Variants in SEMA6D observed in about 807,000 individuals in gnomAD.
The protein encoded by SEMA6D is semaphorin-6D.
A neutral mutation model predicts 106.6 loss-of-function variants in SEMA6D; 35 were observed. The ratio of observed to expected loss-of-function variants is 0.33; its 90% confidence interval spans 0.25 to 0.44. The LOEUF is 0.44. Ranked by LOEUF, SEMA6D falls within the 20% of genes least tolerant of loss-of-function variation. The pLI, the probability that SEMA6D is intolerant of heterozygous loss-of-function variation, is 1.00. For synonymous variants in SEMA6D, 499 were observed against 487.7 expected, an observed-to-expected ratio of 1.02 and a Z score of -0.31; for missense variants, 1,185 against 1,345.9, an observed-to-expected ratio of 0.88 and a Z score of 1.87.
chr15:47,314,020 G>C (rs2036542735), intron 1 of SEMA6D, among the ~76,000 whole-genome samples: 1 of 152,210 alleles, frequency 6.6e-6, no homozygotes, highest in South Asian at 2.1e-4. Flanking sequence ...CTGTCAAACT[G>C]TCTTTCAAAG....
chr15:47,668,972 T>C (rs1354825705), intron 4 of SEMA6D, among the ~76,000 whole-genome samples: 2 of 152,178 alleles, frequency 1.3e-5, no homozygotes, highest in South Asian at 2.1e-4. Flanking sequence ...AAATTCAAAC[T>C]TCTAGAAAAG....
In SEMA6D at chr15:47,725,176, A is replaced by T. The variant is rs566884709; in HGVS notation, c.-55+7484A>T. 5.3e-5 allele frequency among the ~76,000 whole-genome samples: 8 copies of T among 152,338 alleles called. No individual in the cohort carries two copies. The South Asian group carries it at 1.7e-3, about 32-fold the overall frequency. On this transcript the variant is annotated intron_variant, in intron 1 of 18. Coordinates refer to ENST00000536845, the MANE Select transcript of SEMA6D (RefSeq NM_001358351.3). ...CACATATTGAAACCATGCTCATATG[A>T]GTTGGACTCTAGGTGCTGCTTAGAC...
At chr15:47,591,207 T>G (rs1293686052) in intron 3 of SEMA6D, among the ~76,000 whole-genome samples, 1 of 152,134 alleles carries the variant, frequency 6.6e-6, no homozygotes, top group African/African-American at 2.4e-5. Context: ...ACAGACTCCC[T>G]CTTGTTCTTT....
intron 1 of SEMA6D, among the ~76,000 whole-genome samples, chr15:47,363,352 A>C (rs1414496144): frequency 6.6e-6 from 1 of 152,212 alleles, no homozygotes; most frequent in Non-Finnish European, 1.5e-5. Flanking sequence ...AACACAAAGC[A>C]GACCTTAGGT....
intron 4 of SEMA6D, among the ~76,000 whole-genome samples, chr15:47,633,829 C>G (rs1431169994): frequency 1.3e-5 from 2 of 152,096 alleles, no homozygotes; most frequent in Non-Finnish European, 2.9e-5. Context: ...TGCATTTTCT[C>G]TCTATTGTTC....
At position 47,762,443 on chromosome 15, in the gene SEMA6D, A is replaced by G. The variant is rs533212054; in HGVS notation, c.658+124A>G. Reference sequence around the variant, plus strand: ...TATTGTTTATTTAGAACAAGTACACACTGCTTTGATTGTGAACAGGAGCAT... The same window carrying G: ...TATTGTTTATTTAGAACAAGTACACGCTGCTTTGATTGTGAACAGGAGCAT... On this transcript the variant is annotated intron_variant, in intron 8 of 18. Transcript: ENST00000536845. 3.6e-6 allele frequency: 4 copies of G among 1,096,060 alleles called. No homozygotes were observed. The Admixed American group carries it at 9.2e-5, about 25-fold the overall frequency. The allele number at this position is 1,096,060 out of a possible 1,614,324, so 67.9% of individuals were successfully genotyped here. A position where few individuals can be genotyped will look rare whatever the true frequency, so the allele number is the denominator to read the frequency against.
intron 4 of SEMA6D, among the ~76,000 whole-genome samples, chr15:47,699,500 A>G (rs1351184430): frequency 6.6e-6 from 1 of 152,170 alleles, no homozygotes; most frequent in Non-Finnish European, 1.5e-5. Context: ...ACCTCTGAAA[A>G]AGACCTTAGA....
At chr15:47,489,839 A>T (rs2141413802) in intron 3 of SEMA6D, among the ~76,000 whole-genome samples, 1 of 152,040 alleles carries the variant, frequency 6.6e-6, no homozygotes, top group African/African-American at 2.4e-5. Context: ...TTTAGTAGAG[A>T]TAGGGTTTCA....
chr15:47,452,615 T>C (rs2042227281), intron 2 of SEMA6D, among the ~76,000 whole-genome samples: 1 of 151,882 alleles, frequency 6.6e-6, no homozygotes, highest in East Asian at 1.9e-4. Flanking sequence ...TAATGGGATG[T>C]TTTTGGGTTT....
intron 1 of SEMA6D, among the ~76,000 whole-genome samples, chr15:47,287,140 TG>T (rs1166573126): frequency 2.6e-5 from 4 of 152,148 alleles, no homozygotes; most frequent in Non-Finnish European, 5.9e-5. Flanking sequence ...TCTCCTGATG[TG>T]GGAAGAATAA....
Position 47,240,143 on chromosome 15 carries a change from G to A in SEMA6D, c.-239+55725G>A, listed in dbSNP as rs376221459. ...TGGTCTTACCATTCCCCAGTTGTCC[G>A]TGTACCAGCTTTCTACCATGAATTG... On this transcript the variant is annotated intron_variant, in intron 1 of 19. Transcript: ENST00000558014. 7.9e-5 allele frequency among the ~76,000 whole-genome samples: 12 copies of A among 152,148 alleles called. No homozygotes were observed. In the South Asian group the frequency reaches 1.2e-3, roughly 16 times the overall value.
At chr15:47,537,970 C>T (rs939844624) in intron 3 of SEMA6D, among the ~76,000 whole-genome samples, 3 of 152,082 alleles carry the variant, frequency 2.0e-5, no homozygotes, top group East Asian at 1.9e-4. Flanking sequence ...GAGGAGTAGA[C>T]GTGGAAGTAA....
chr15:47,463,131 A>G (rs951830209), intron 2 of SEMA6D, among the ~76,000 whole-genome samples: 1 of 152,156 alleles, frequency 6.6e-6, no homozygotes, highest in Non-Finnish European at 1.5e-5. Flanking sequence ...ACAGTAACAA[A>G]AACAACCAGG....
rs55676647 is a variant in SEMA6D, at chr15:47,312,146, G to GTTTTT, written c.-238-100238_-238-100234dup. On this transcript the variant is annotated intron_variant, in intron 1 of 19. Transcript: ENST00000558014. ...ATTTTTGCTTAGGCGTCTTTCTAGG[G>GTTTTT]TTTTTTTTTTTTTCCCCATTACCAT... Among the ~76,000 whole-genome samples the GTTTTT allele has an allele frequency of 2.9e-3, 406 of 142,196 alleles. 4 individuals are homozygous for GTTTTT. Among genetic ancestry groups the GTTTTT allele is most frequent in the Middle Eastern group, 0.018 (5 of 280 alleles). 93.3% of individuals were successfully genotyped at this position (142,196 alleles called of 152,430 possible). A position where few individuals can be genotyped will look rare whatever the true frequency, so the allele number is the denominator to read the frequency against.
chr15:47,570,048 G>T (rs2046340054), intron 3 of SEMA6D, among the ~76,000 whole-genome samples: 1 of 151,604 alleles, frequency 6.6e-6, no homozygotes, highest in African/African-American at 2.4e-5. Context: ...GGCAACAGAG[G>T]GAGACTCCAT....
intron 3 of SEMA6D, among the ~76,000 whole-genome samples, chr15:47,529,484 A>G (rs1273457358): frequency 6.6e-6 from 1 of 152,054 alleles, no homozygotes; most frequent in Non-Finnish European, 1.5e-5. Context: ...ATGATAAGAA[A>G]AGGGAGGCTT....
Position 47,509,418 on chromosome 15 carries a change from C to T in SEMA6D, c.-87+38873C>T, listed in dbSNP as rs147256057. Among the ~76,000 whole-genome samples, 922 of 152,220 alleles carry T rather than the reference C, an allele frequency of 6.1e-3. 16 individuals are homozygous for T. Among genetic ancestry groups the T allele is most frequent in the African/African-American group, 0.021 (877 of 41,540 alleles). On this transcript the variant is annotated intron_variant, in intron 3 of 19. Transcript: ENST00000558014. ...TTGGTCTAGTGGCTTAATTATCAAACCCTCTAGTCCATTCTGCCATTGCCT... is the reference window on the plus strand; with the variant it reads ...TTGGTCTAGTGGCTTAATTATCAAATCCTCTAGTCCATTCTGCCATTGCCT...
In SEMA6D at chr15:47,720,389, G is replaced by A. The variant is rs192380072; in HGVS notation, c.-55+2697G>A. On this transcript the variant is annotated intron_variant, in intron 1 of 18. Coordinates refer to ENST00000536845, the MANE Select transcript of SEMA6D (RefSeq NM_001358351.3). ...GATTTAGATTTGTGGGCATTTTGCCGTCTTCCTCTTCTTTCTCTCTTTTTT... is the reference window on the plus strand; with the variant it reads ...GATTTAGATTTGTGGGCATTTTGCCATCTTCCTCTTCTTTCTCTCTTTTTT... Among the ~76,000 whole-genome samples the A allele has an allele frequency of 1.7e-3, 258 of 149,706 alleles. 3 individuals are homozygous for A. The highest frequency in any genetic ancestry group is 0.015 in the Admixed American group (220 of 14,776).
At chr15:47,693,890 C>T (rs902412506) in intron 4 of SEMA6D, among the ~76,000 whole-genome samples, 5 of 151,984 alleles carry the variant, frequency 3.3e-5, no homozygotes, top group African/African-American at 1.2e-4. Flanking sequence ...ATTCAGTGAG[C>T]CGTGATCGCA....
Sources: gnomAD v4.1 joint callset for allele counts (sites outside exome capture counted in the v4.1 genomes callset) on GRCh38, gnomAD v4.1.1 for gene constraint, MANE v1.5 for transcripts, NCBI Gene and HGNC (gene_info 2026-07-23, HGNC 2026-07-21) for gene names.